Variants in SEMA3E observed in about 807,000 individuals in gnomAD.
The protein encoded by SEMA3E is semaphorin 3E.
In SEMA3E, 49 loss-of-function variants were observed where a neutral mutation model predicts 93.6. The observed-to-expected ratio is 0.52, with a 90% confidence interval of 0.42 to 0.66. The LOEUF (loss-of-function observed/expected upper bound fraction) is 0.66. Ranked by LOEUF, SEMA3E falls within the 30% of genes least tolerant of loss-of-function variation. SEMA3E has a pLI of 0.00. For missense variants in SEMA3E, 906 were observed against 964.8 expected, an observed-to-expected ratio of 0.94 and a Z score of 0.81; for synonymous variants, 363 against 330.7, an observed-to-expected ratio of 1.10 and a Z score of -1.06.
intron 1 of SEMA3E, among the ~76,000 whole-genome samples, chr7:83,584,352 C>T (rs1223066988): frequency 6.6e-6 from 1 of 151,978 alleles, no homozygotes; most frequent in African/African-American, 2.4e-5. Flanking sequence ...TGTCTAACAT[C>T]CATAAGCTGA....
intron 4 of SEMA3E, among the ~76,000 whole-genome samples, chr7:83,434,798 C>T (rs1788969244): frequency 6.7e-6 from 1 of 148,726 alleles, no homozygotes; most frequent in South Asian, 2.1e-4. Flanking sequence ...ACTGCAAGCT[C>T]CGCCTCCCGG....
intron 16 of SEMA3E, chr7:83,372,510 G>T: frequency 6.0e-6 from 2 of 331,696 alleles, no homozygotes; most frequent in Non-Finnish European, 1.1e-5. Flanking sequence ...TTGTTTGTTT[G>T]TTGCTTGTTT....
At chr7:83,629,087 T>A (rs1464656824) in intron 1 of SEMA3E, among the ~76,000 whole-genome samples, 1 of 152,124 alleles carries the variant, frequency 6.6e-6, no homozygotes, top group Non-Finnish European at 1.5e-5. Flanking sequence ...TCACTGGAGT[T>A]CACTGGAGTT....
intron 14 of SEMA3E, among the ~76,000 whole-genome samples, chr7:83,388,002 A>G (rs925587844): frequency 9.5e-5 from 14 of 147,382 alleles, no homozygotes; most frequent in Admixed American, 2.1e-4. Flanking sequence ...TATATAATAT[A>G]ATGTTTTGAA....
chr7:83,643,980 C>G (rs1299220371), intron 1 of SEMA3E, among the ~76,000 whole-genome samples: 1 of 151,840 alleles, frequency 6.6e-6, no homozygotes. Flanking sequence ...AAGCTATGAG[C>G]TGGGTCAGGA....
At chr7:83,465,875 A>G (rs1422493704) in intron 4 of SEMA3E, among the ~76,000 whole-genome samples, 2 of 152,170 alleles carry the variant, frequency 1.3e-5, no homozygotes, top group Non-Finnish European at 2.9e-5. Flanking sequence ...CCTGCTTGCT[A>G]GTAAATATTA....
At chr7:83,644,432 T>C (rs891002466) in intron 1 of SEMA3E, among the ~76,000 whole-genome samples, 4 of 151,944 alleles carry the variant, frequency 2.6e-5, no homozygotes, top group Non-Finnish European at 5.9e-5. Context: ...TCAAGGTTTT[T>C]CTCTTTAGGA....
Position 83,640,843 on chromosome 7 carries a change from C to G in SEMA3E, c.115+7585G>C, listed in dbSNP as rs189764333. Among the ~76,000 whole-genome samples, 266 of 150,982 alleles carry G rather than the reference C, an allele frequency of 1.8e-3. 2 individuals carry two copies. Among genetic ancestry groups the G allele is most frequent in the Non-Finnish European group, 3.1e-3 (210 of 67,810 alleles). ...GGTGCCAGCCTCACAAAGGGGTACA[C>G]AGAATTAAGTAAAAACAGAAAGGGA... On this transcript the variant is annotated intron_variant, in intron 1 of 16. Coordinates refer to ENST00000643230, the MANE Select transcript of SEMA3E (RefSeq NM_012431.3).
chr7:83,514,029 A>G (rs1267902501), intron 1 of SEMA3E, among the ~76,000 whole-genome samples: 2 of 152,264 alleles, frequency 1.3e-5, no homozygotes, highest in South Asian at 2.1e-4. Context: ...AACAGATTGC[A>G]GTAAAGAAGC....
chr7:83,387,462 TATATA>T (rs1424751076), intron 14 of SEMA3E, among the ~76,000 whole-genome samples: 4 of 152,246 alleles, frequency 2.6e-5, no homozygotes, highest in African/African-American at 9.6e-5. Flanking sequence ...AAAACTCCCA[TATATA>T]ATAAAGTGCA....
chr7:83,417,025 A>C (rs1322159997), intron 5 of SEMA3E, among the ~76,000 whole-genome samples: 1 of 151,336 alleles, frequency 6.6e-6, no homozygotes, highest in Admixed American at 6.6e-5. Context: ...AGGGAGAGAG[A>C]GAGAGAGAGA....
intron 16 of SEMA3E, among the ~76,000 whole-genome samples, chr7:83,382,319 A>G (rs1450787177): frequency 1.3e-5 from 2 of 152,000 alleles, no homozygotes; most frequent in Non-Finnish European, 2.9e-5. Flanking sequence ...ATACACATAG[A>G]ACAGTCCTTG....
chr7:83,393,361 C>T (rs1263903114), intron 13 of SEMA3E, among the ~76,000 whole-genome samples: 1 of 152,062 alleles, frequency 6.6e-6, no homozygotes, highest in Non-Finnish European at 1.5e-5. Context: ...TGGCGAAACC[C>T]TGTCTCTACA....
At chr7:83,522,894 T>G (rs759321600) in intron 1 of SEMA3E, among the ~76,000 whole-genome samples, 25 of 152,178 alleles carry the variant, frequency 1.6e-4, no homozygotes, top group Non-Finnish European at 2.6e-4. Context: ...GAATTCCCAC[T>G]TTTTTCTAAC....
chr7:83,522,693 A>G lies in SEMA3E; in HGVS notation c.116-32419T>C, dbSNP rs182571160. ...TAAGATCCATGACATTATTAAGAAGATACAATGGAGAAGAATAGAAAAATA... is the reference window on the plus strand; with the variant it reads ...TAAGATCCATGACATTATTAAGAAGGTACAATGGAGAAGAATAGAAAAATA... On this transcript the variant is annotated intron_variant, in intron 1 of 16. Coordinates refer to ENST00000643230, the MANE Select transcript of SEMA3E (RefSeq NM_012431.3). 8.5e-5 allele frequency among the ~76,000 whole-genome samples: 13 copies of G among 152,220 alleles called. No homozygotes were observed. In the East Asian group the frequency reaches 2.3e-3, roughly 27 times the overall value.
In SEMA3E at chr7:83,368,884, G is replaced by A. The variant is rs912589460; in HGVS notation, c.1876-846C>T. Among the ~76,000 whole-genome samples, 6 of 152,148 alleles carry A rather than the reference G, an allele frequency of 3.9e-5. No individual in the cohort carries two copies. The South Asian group carries it at 8.3e-4, about 21-fold the overall frequency. ...TGATTTGACATTAGGCAGAGTTAGA[G>A]TCAAATATTGCCACCACTATTTATT... On this transcript the variant is annotated intron_variant, in intron 16 of 16. Coordinates refer to ENST00000643230, the MANE Select transcript of SEMA3E (RefSeq NM_012431.3).
At chr7:83,577,935 A>T (rs900935494) in intron 1 of SEMA3E, among the ~76,000 whole-genome samples, 7 of 152,028 alleles carry the variant, frequency 4.6e-5, no homozygotes, top group Admixed American at 3.3e-4. Context: ...CTTTGATATG[A>T]CTCTTTTTTA....
intron 1 of SEMA3E, among the ~76,000 whole-genome samples, chr7:83,529,841 C>T (rs35145094): frequency 0.53 from 80,221 of 151,988 alleles, 23,524 homozygotes; most frequent in Middle Eastern, 0.69. Flanking sequence ...TTGATTTCTC[C>T]CTTTCCCTCC....
At chr7:83,427,022 T>C (rs1007292534) in intron 4 of SEMA3E, among the ~76,000 whole-genome samples, 2 of 152,060 alleles carry the variant, frequency 1.3e-5, no homozygotes, top group Non-Finnish European at 2.9e-5. Flanking sequence ...ATGACACTTA[T>C]TAAAAAAGAA....
Sources: gnomAD v4.1 joint callset for allele counts (sites outside exome capture counted in the v4.1 genomes callset) on GRCh38, gnomAD v4.1.1 for gene constraint, MANE v1.5 for transcripts, NCBI Gene and HGNC (gene_info 2026-07-23, HGNC 2026-07-21) for gene names.